TECRL: variants seen among roughly 807,000 people sequenced by gnomAD.
TECRL encodes the protein trans-2,3-enoyl-CoA reductase like, also known as trans-2,3-enoyl-CoA reductase-like.
In TECRL, 63 loss-of-function variants were observed where a neutral mutation model predicts 52.8. The observed-to-expected ratio is 1.19, with a 90% CI of 0.97 to 1.47. The LOEUF (loss-of-function observed/expected upper bound fraction) is 1.47, where lower values mean the gene tolerates loss of function less well. Among genes scored for constraint, TECRL ranks in the 40% most tolerant of loss-of-function variants. The pLI is 0.00. For missense variants in TECRL, 482 were observed against 429.6 expected (o/e 1.12, Z -1.08); for synonymous variants, 164 against 141.9 (o/e 1.16, Z -1.10).
intron 2 of TECRL, among the ~76,000 whole-genome samples, chr4:64,352,002 GA>G (rs5858880): frequency 0.66 from 101,014 of 151,964 alleles, 34,926 homozygotes; most frequent in Non-Finnish European, 0.76. Flanking sequence ...ACCTAGCCCT[GA>G]AAAGAAAAAT....
chr4:64,328,190 A>G (rs1423962016), intron 3 of TECRL, among the ~76,000 whole-genome samples: 1 of 152,012 alleles, frequency 6.6e-6, no homozygotes, highest in Non-Finnish European at 1.5e-5. Flanking sequence ...AAAGCTAAGC[A>G]TTAACCTTAA....
At chr4:64,332,526 A>T (rs897195952) in intron 2 of TECRL, among the ~76,000 whole-genome samples, 11 of 152,214 alleles carry the variant, frequency 7.2e-5, no homozygotes, top group Non-Finnish European at 2.9e-5. Context: ...GCTAGAAGAC[A>T]AGACATGATG....
At chr4:64,389,359 A>G (rs1723396783) in intron 1 of TECRL, among the ~76,000 whole-genome samples, 1 of 151,858 alleles carries the variant, frequency 6.6e-6, no homozygotes, top group Non-Finnish European at 1.5e-5. Context: ...ATTTCTCTGT[A>G]TCTGCTGATA....
At chr4:64,366,861 G>A (rs138045278) in intron 2 of TECRL, among the ~76,000 whole-genome samples, 7 of 151,276 alleles carry the variant, frequency 4.6e-5, no homozygotes, top group Non-Finnish European at 7.4e-5. Context: ...CAGAACTATC[G>A]TTTGGCCCAG....
chr4:64,283,097 C>T (rs7679647), intron 9 of TECRL, among the ~76,000 whole-genome samples: 147,173 of 152,142 alleles, frequency 0.97, 71,206 homozygotes, highest in East Asian at 1. Flanking sequence ...AGCTTTACTA[C>T]GGTATTTGAT....
intron 8 of TECRL, 70 bp from the exon 9 acceptor site, chr4:64,289,837 G>A (rs1171088304): frequency 1.0e-6 from 1 of 980,330 alleles, no homozygotes; most frequent in Non-Finnish European, 1.4e-6. Flanking sequence ...ATATTCTAGA[G>A]TTATATAAAA....
At chr4:64,282,044 T>C (rs1367212348) in intron 9 of TECRL, among the ~76,000 whole-genome samples, 1 of 151,914 alleles carries the variant, frequency 6.6e-6, no homozygotes, top group Non-Finnish European at 1.5e-5. Flanking sequence ...ATGTCATTTA[T>C]ACCAGAAAAG....
intron 6 of TECRL, among the ~76,000 whole-genome samples, chr4:64,305,841 C>T (rs1724304346): frequency 1.3e-5 from 2 of 152,162 alleles, no homozygotes; most frequent in South Asian, 2.1e-4. Flanking sequence ...CAAAAGACTT[C>T]CTTGTCTTTG....
At chr4:64,286,835 T>C (rs1282939945) in intron 9 of TECRL, among the ~76,000 whole-genome samples, 2 of 152,188 alleles carry the variant, frequency 1.3e-5, no homozygotes, top group Non-Finnish European at 1.5e-5. Context: ...TTTCAAATGA[T>C]GACACTATAT....
At chr4:64,341,726 C>T (rs1027518925) in intron 2 of TECRL, among the ~76,000 whole-genome samples, 9 of 152,174 alleles carry the variant, frequency 5.9e-5, no homozygotes, top group African/African-American at 2.2e-4. Context: ...AGGCCTGTGA[C>T]TCCCTCTTTG....
At position 64,359,722 on chromosome 4, in the gene TECRL, G is replaced by A. The variant is rs142834507; in HGVS notation, c.286+15450C>T. Among the ~76,000 whole-genome samples, 18 of 152,056 alleles carry A rather than the reference G, an allele frequency of 1.2e-4. No homozygotes were observed. The East Asian group carries it at 3.5e-3, about 29-fold the overall frequency. ...TACATGAACCTTGACTGGCAAAATG[G>A]CTCTCCCTTAATAAGAGTTTGATCT... On this transcript the variant is annotated intron_variant, in intron 2 of 11. Coordinates refer to ENST00000381210, the MANE Select transcript of TECRL (RefSeq NM_001010874.5).
intron 7 of TECRL, 74 bp downstream of exon 7, chr4:64,305,092 A>T: frequency 9.8e-7 from 1 of 1,022,550 alleles, no homozygotes; most frequent in Non-Finnish European, 1.4e-6. Context: ...TTATTCCTTT[A>T]TGTATGTCAT....
At chr4:64,345,452 A>C (rs1401843357) in intron 2 of TECRL, among the ~76,000 whole-genome samples, 1 of 151,010 alleles carries the variant, frequency 6.6e-6, no homozygotes, top group Non-Finnish European at 1.5e-5. Context: ...TCACAACGGC[A>C]AAAAACCAAA....
chr4:64,396,832 A>G (rs1723988802), intron 1 of TECRL, among the ~76,000 whole-genome samples: 1 of 152,102 alleles, frequency 6.6e-6, no homozygotes, highest in East Asian at 1.9e-4. Context: ...ATTTTTGTAT[A>G]TGGCGACAGG....
In TECRL at chr4:64,299,210, T is replaced by C. The variant is rs1723863785; in HGVS notation, c.774+764A>G. 1.3e-5 allele frequency: 2 copies of C among 151,176 alleles called. 1 individual carries two copies. Among genetic ancestry groups the C allele is most frequent in the South Asian group, 4.1e-4 (2 of 4,824 alleles). The allele number at this position is 151,176 out of a possible 1,614,324, so 9.4% of individuals were successfully genotyped here. Reference sequence around the variant, plus strand: ...AGAGAGAGGAAGCAAGAGAGGGTCATGTGAGAGCTCCTTACAAAGTGTGGC... The same window carrying C: ...AGAGAGAGGAAGCAAGAGAGGGTCACGTGAGAGCTCCTTACAAAGTGTGGC... On this transcript the variant is annotated intron_variant, in intron 8 of 11. Coordinates refer to ENST00000381210, the MANE Select transcript of TECRL (RefSeq NM_001010874.5).
At chr4:64,289,285 A>G (rs919081168) in intron 9 of TECRL, among the ~76,000 whole-genome samples, 2 of 152,206 alleles carry the variant, frequency 1.3e-5, no homozygotes, top group African/African-American at 4.8e-5. Context: ...GTATTTTTCA[A>G]TGAAAGATTA....
intron 1 of TECRL, among the ~76,000 whole-genome samples, chr4:64,394,907 A>ATTTTT (rs751448355): frequency 4.8e-5 from 5 of 105,114 alleles, no homozygotes; most frequent in African/African-American, 8.1e-5. Flanking sequence ...ATTAACAAGC[A>ATTTTT]TTTTTTTTTT....
intron 4 of TECRL, among the ~76,000 whole-genome samples, chr4:64,320,455 A>G (rs1283817994): frequency 1.3e-5 from 2 of 152,062 alleles, no homozygotes; most frequent in Non-Finnish European, 2.9e-5. Flanking sequence ...AATAGAACTG[A>G]CTCATTTGGA....
At chr4:64,306,102 A>G (rs907140565) in intron 6 of TECRL, among the ~76,000 whole-genome samples, 10 of 152,218 alleles carry the variant, frequency 6.6e-5, no homozygotes, top group Admixed American at 3.3e-4. Flanking sequence ...GACTTCTTTT[A>G]CTTTCATTTC....
Sources: gnomAD v4.1 joint callset for allele counts (sites outside exome capture counted in the v4.1 genomes callset) on GRCh38, gnomAD v4.1.1 for gene constraint, MANE v1.5 for transcripts, NCBI Gene and HGNC (gene_info 2026-07-23, HGNC 2026-07-21) for gene names.